Variants in NTM observed in about 807,000 individuals in gnomAD.
The protein encoded by NTM is neurotrimin.
Under a neutral mutation model 42.1 loss-of-function variants are expected in NTM, and 13 were observed. The observed-to-expected ratio is 0.31, with a 90% CI of 0.20 to 0.49. The LOEUF is 0.49. Ranked by LOEUF, NTM falls within the 20% of genes least tolerant of loss-of-function variation. NTM has a pLI of 0.99. For missense variants in NTM, 373 were observed against 452.8 expected, an observed-to-expected ratio of 0.82 and a Z score of 1.60; for synonymous variants, 187 against 179.2, an observed-to-expected ratio of 1.04 and a Z score of -0.35.
Position 132,240,603 on chromosome 11 carries a change from C to T in NTM, c.526+28456C>T, listed in dbSNP as rs547514191. Among the ~76,000 whole-genome samples, 7 of 152,306 alleles carry T rather than the reference C, an allele frequency of 4.6e-5. No homozygotes were observed. In the East Asian group the frequency reaches 5.8e-4, roughly 13 times the overall value. ...AGCTTAGCTCTAGAGAGCAGCTGTT[C>T]GCTGGAGACTACGCATTTGCCAGAA... is the stretch of plus-strand genomic sequence containing the variant. On this transcript the variant is annotated intron_variant, in intron 4 of 8. Coordinates refer to ENST00000683400, the MANE Select transcript of NTM (RefSeq NM_001352005.2).
chr11:131,848,530 A>G (rs144762759), intron 1 of NTM, among the ~76,000 whole-genome samples: 1 of 152,306 alleles, frequency 6.6e-6, no homozygotes, highest in African/African-American at 2.4e-5. Flanking sequence ...CATCCCTCCC[A>G]TGAAACATTC....
chr11:132,029,784 G>C (rs1477331278), intron 2 of NTM, among the ~76,000 whole-genome samples: 1 of 152,066 alleles, frequency 6.6e-6, no homozygotes, highest in African/African-American at 2.4e-5. Context: ...TATAAGGGAG[G>C]GAGTGGAGGA....
At chr11:131,941,178 C>T (rs969081645) in intron 2 of NTM, among the ~76,000 whole-genome samples, 2 of 152,156 alleles carry the variant, frequency 1.3e-5, no homozygotes, top group African/African-American at 4.8e-5. Context: ...GATTCAATGC[C>T]ACTTATTAGC....
chr11:132,286,424 G>A (rs1033419592), intron 4 of NTM, among the ~76,000 whole-genome samples: 1 of 152,160 alleles, frequency 6.6e-6, no homozygotes, highest in Non-Finnish European at 1.5e-5. Context: ...AGGATTGAAA[G>A]ATTCAAAGGA....
intron 1 of NTM, among the ~76,000 whole-genome samples, chr11:131,681,913 C>CGTGT (rs750414079): frequency 1.3e-5 from 2 of 149,784 alleles, no homozygotes; most frequent in Admixed American, 6.6e-5. Context: ...GTGTGTGTGT[C>CGTGT]GTGTGTGTGT....
intron 1 of NTM, among the ~76,000 whole-genome samples, chr11:131,389,471 G>A (rs183047297): frequency 1.4e-3 from 209 of 152,298 alleles, no homozygotes; most frequent in African/African-American, 4.2e-3. Flanking sequence ...GCCGTGAGCC[G>A]CCCTACTTCC....
chr11:131,390,707 A>G (rs1943893032), intron 1 of NTM, among the ~76,000 whole-genome samples: 1 of 152,122 alleles, frequency 6.6e-6, no homozygotes, highest in Non-Finnish European at 1.5e-5. Context: ...GTGTATCTCC[A>G]TGGTTCTCAA....
At chr11:131,400,206 C>G (rs1944985298) in intron 1 of NTM, among the ~76,000 whole-genome samples, 1 of 152,076 alleles carries the variant, frequency 6.6e-6, no homozygotes, top group Non-Finnish European at 1.5e-5. Flanking sequence ...CAGGACGTCA[C>G]CTGTCCTTTC....
chr11:131,514,620 C>T (rs1440306452), intron 1 of NTM, among the ~76,000 whole-genome samples: 1 of 152,116 alleles, frequency 6.6e-6, no homozygotes, highest in African/African-American at 2.4e-5. Flanking sequence ...CACTCTTTCT[C>T]CCAGGCTGGA....
intron 3 of NTM, among the ~76,000 whole-genome samples, chr11:132,191,770 A>C (rs1003113368): frequency 6.6e-6 from 1 of 152,218 alleles, no homozygotes; most frequent in Non-Finnish European, 1.5e-5. Context: ...AATCCAAGGA[A>C]AAGAGTAAAA....
intron 2 of NTM, among the ~76,000 whole-genome samples, chr11:132,016,358 C>A (rs2073410998): frequency 6.6e-6 from 1 of 151,874 alleles, no homozygotes; most frequent in Admixed American, 6.6e-5. Flanking sequence ...ATTTCTAACC[C>A]CAGCCTTAGG....
intron 1 of NTM, among the ~76,000 whole-genome samples, chr11:131,775,787 C>T (rs931941599): frequency 6.6e-6 from 1 of 152,152 alleles, no homozygotes; most frequent in African/African-American, 2.4e-5. Context: ...GAAACTCAGT[C>T]AACATGATAT....
At chr11:132,125,333 G>C (rs894293346) in intron 2 of NTM, among the ~76,000 whole-genome samples, 1 of 143,514 alleles carries the variant, frequency 7.0e-6, no homozygotes, top group Non-Finnish European at 1.5e-5. Flanking sequence ...TGTGGTGTGT[G>C]GTGTGGTATG....
chr11:131,565,336 C>G (rs1345291245), intron 1 of NTM, among the ~76,000 whole-genome samples: 1 of 152,230 alleles, frequency 6.6e-6, no homozygotes, highest in African/African-American at 2.4e-5. Flanking sequence ...ATGAACTCTT[C>G]TTTCTGTCCA....
intron 1 of NTM, among the ~76,000 whole-genome samples, chr11:131,849,139 A>G (rs1029539947): frequency 1.3e-5 from 2 of 152,198 alleles, no homozygotes; most frequent in African/African-American, 4.8e-5. Flanking sequence ...GCTCAGTACT[A>G]TAAGAATGAA....
chr11:131,575,566 G>A (rs2057850826), intron 1 of NTM, among the ~76,000 whole-genome samples: 1 of 152,130 alleles, frequency 6.6e-6, no homozygotes, highest in Non-Finnish European at 1.5e-5. Context: ...TTGTTAGATC[G>A]CTATAACTTT....
intron 2 of NTM, among the ~76,000 whole-genome samples, chr11:131,965,879 A>T (rs891322848): frequency 6.6e-6 from 1 of 150,452 alleles, no homozygotes; most frequent in African/African-American, 2.4e-5. Flanking sequence ...TAGTACATGG[A>T]AAAAGGAAGG....
intron 1 of NTM, among the ~76,000 whole-genome samples, chr11:131,434,702 T>C (rs989723673): frequency 6.6e-6 from 1 of 152,240 alleles, no homozygotes; most frequent in East Asian, 1.9e-4. Context: ...CTTTGTCAGA[T>C]GGTTAGATTG....
At chr11:132,134,705 G>GTATATATATA (rs57297229) in intron 2 of NTM, among the ~76,000 whole-genome samples, 1 of 75,966 alleles carries the variant, frequency 1.3e-5, no homozygotes, top group African/African-American at 3.6e-5. Flanking sequence ...GTATTCCATG[G>GTATATATATA]TATATATATA....
Sources: allele counts gnomAD v4.1 joint callset (sites outside exome capture counted in the v4.1 genomes callset), GRCh38; gene constraint gnomAD v4.1.1; transcripts MANE v1.5; gene names NCBI Gene and HGNC (gene_info 2026-07-23, HGNC 2026-07-21).